Variants in OC90 observed in about 807,000 individuals in gnomAD.
The protein encoded by OC90 is otoconin 90, also known as otoconin-90.
In OC90, 46 loss-of-function variants were observed where a neutral mutation model predicts 47.3. The observed-to-expected ratio is 0.97, with a 90% CI of 0.77 to 1.24. The LOEUF (loss-of-function observed/expected upper bound fraction) is 1.24. Among genes scored for constraint, OC90 ranks in the 50% most tolerant of loss-of-function variants. The pLI is 0.00. For missense variants in OC90, 688 were observed against 583.9 expected (o/e 1.18, Z -1.84); for synonymous variants, 271 against 219.5 (o/e 1.23, Z -2.07).
intron 1 of OC90, among the ~76,000 whole-genome samples, chr8:132,055,762 G>A (rs895483132): frequency 1.3e-5 from 2 of 152,116 alleles, no homozygotes; most frequent in Non-Finnish European, 2.9e-5. Context: ...GATGCTTTGG[G>A]GGCAAAGGGG....
At position 132,024,837 on chromosome 8, in the gene OC90, C is replaced by T. The variant is rs556355745; in HGVS notation, c.1139-61G>A. ...CTCTGAGGATGGCACTGGGAGGCCC[C>T]ACGGCCCTGGCCACCCCTCAGCCCT... On this transcript the variant is annotated intron_variant, in intron 13 of 13. Coordinates refer to ENST00000254627, the MANE Select transcript of OC90 (RefSeq NM_001080399.3). 1.4e-5 allele frequency: 20 copies of T among 1,476,820 alleles called. No individual in the cohort carries two copies. The Admixed American group carries it at 2.9e-4, about 21-fold the overall frequency. 91.5% of individuals were successfully genotyped at this position (1,476,820 alleles called of 1,614,324 possible). A position where few individuals can be genotyped will look rare whatever the true frequency, so the allele number is the denominator to read the frequency against.
chr8:132,046,893 G>T (rs765994721), intron 2 of OC90, among the ~76,000 whole-genome samples: 1 of 152,138 alleles, frequency 6.6e-6, no homozygotes, highest in African/African-American at 2.4e-5. Context: ...TGTCTGAGTT[G>T]GCCTTGCTTG....
intron 5 of OC90, 99 bp from the exon 6 acceptor site, chr8:132,041,255 A>C: frequency 1.3e-6 from 1 of 777,060 alleles, no homozygotes; most frequent in Admixed American, 2.2e-5. Context: ...GGATCCTGGC[A>C]GTGGTCTATT....
At chr8:132,056,260 G>T (rs1823277920) in intron 1 of OC90, among the ~76,000 whole-genome samples, 1 of 152,200 alleles carries the variant, frequency 6.6e-6, no homozygotes, top group South Asian at 2.1e-4. Context: ...CAGAGACCAA[G>T]ACTGCCCCGT....
intron 13 of OC90, among the ~76,000 whole-genome samples, chr8:132,024,990 G>A (rs1198946783): frequency 6.6e-6 from 1 of 152,210 alleles, no homozygotes; most frequent in Non-Finnish European, 1.5e-5. Context: ...CTCAACTGGT[G>A]TCTGTCAAGA....
intron 12 of OC90, among the ~76,000 whole-genome samples, 187 bp from the exon 13 acceptor site, chr8:132,029,366 T>C (rs1248194542): frequency 1.3e-5 from 2 of 152,234 alleles, no homozygotes; most frequent in African/African-American, 4.8e-5. Flanking sequence ...GGTTGTATAC[T>C]GCACAAAGGC....
intron 9 of OC90, among the ~76,000 whole-genome samples, chr8:132,035,118 T>C (rs111226729): frequency 4.0e-4 from 61 of 152,348 alleles, no homozygotes; most frequent in African/African-American, 1.4e-3. Flanking sequence ...ACAGCTTCTT[T>C]AGAATTCGGA....
At chr8:132,036,507 A>G (rs1169295776) in intron 9 of OC90, 1 of 770,562 alleles carries the variant, frequency 1.3e-6, no homozygotes, top group African/African-American at 1.7e-5. Flanking sequence ...CTGAGGATGT[A>G]AGAGAGGAGG....
At chr8:132,039,396 A>G (rs76589220) in intron 6 of OC90, among the ~76,000 whole-genome samples, 99 of 152,260 alleles carry the variant, frequency 6.5e-4, no homozygotes, top group Admixed American at 1.9e-3. Context: ...CCTCCACTGT[A>G]CCACACTGGG....
chr8:132,043,322 T>C (rs1194118390), intron 4 of OC90, among the ~76,000 whole-genome samples: 3 of 152,238 alleles, frequency 2.0e-5, no homozygotes, highest in Non-Finnish European at 4.4e-5. Context: ...GGCAGATGTT[T>C]TCTGTCACTG....
intron 10 of OC90, 46 bp from the exon 11 acceptor site, chr8:132,033,210 G>A (rs1563729322): frequency 6.3e-7 from 1 of 1,582,176 alleles, no homozygotes; most frequent in Non-Finnish European, 8.6e-7. Flanking sequence ...AGTGGCTCAA[G>A]GAGAGATTTG....
chr8:132,043,921 C>T (rs1050333873), intron 4 of OC90, among the ~76,000 whole-genome samples: 7 of 152,206 alleles, frequency 4.6e-5, no homozygotes, highest in Admixed American at 4.6e-4. Flanking sequence ...TTTTTTGGTA[C>T]TTCTAGTAGT....
intron 9 of OC90, among the ~76,000 whole-genome samples, chr8:132,035,437 G>A (rs940924505): frequency 3.9e-5 from 6 of 152,164 alleles, no homozygotes; most frequent in African/African-American, 1.4e-4. Flanking sequence ...AGGTCACAGA[G>A]CTAGGAGGCG....
At chr8:132,028,686 G>GAGGA (rs1554613377) in intron 13 of OC90, among the ~76,000 whole-genome samples, 3 of 127,094 alleles carry the variant, frequency 2.4e-5, no homozygotes, top group African/African-American at 3.3e-5. Context: ...AAGAAAGAAA[G>GAGGA]AGAAAGAAAG....
intron 10 of OC90, 50 bp from the exon 11 acceptor site, chr8:132,033,214 A>T: frequency 6.3e-7 from 1 of 1,575,088 alleles, no homozygotes; most frequent in Non-Finnish European, 8.6e-7. Flanking sequence ...GCTCAAGGAG[A>T]GATTTGCAGA....
In OC90 at chr8:132,024,610, G is replaced by A. The variant is rs200617151; in HGVS notation, c.1305C>T (p.Ala435=). Residue 435 remains alanine (A), a synonymous_variant, in exon 14 of 14, where the codon GCC becomes GCT. Transcript: ENST00000254627. ...CCTCAGAGCTGGAGCCCAGGGTGGG[G>A]GCTGCGGGCACAGGGTGCAGGCTGT... ...CEDSLHPVPA[A]PTLGSSSEED... 24 of 1,613,630 alleles carry A rather than the reference G, an allele frequency of 1.5e-5. No individual in the cohort carries two copies. The highest frequency in any genetic ancestry group is 1.9e-5 in the Non-Finnish European group (23 of 1,179,770).
At position 132,028,803 on chromosome 8, in the gene OC90, G is replaced by GAAAA. The variant is rs1554613416; in HGVS notation, c.1138+269_1138+270insTTTT. On this transcript the variant is annotated intron_variant, in intron 13 of 13. Transcript: ENST00000254627. The stretch of plus-strand genomic sequence containing the variant: ...AAGAGAGGAAGAAAGAAGAAGGAAA[G>GAAAA]AAAGAAAGAAAGAAAGAAAAAGAAA... 2.2e-5 allele frequency among the ~76,000 whole-genome samples: 3 copies of GAAAA among 135,320 alleles called. No individual in the cohort carries two copies. The Admixed American group carries it at 2.3e-4, about 10-fold the overall frequency. The allele number at this position is 135,320 out of a possible 152,430, so 88.8% of individuals were successfully genotyped here.
intron 8 of OC90, among the ~76,000 whole-genome samples, chr8:132,038,033 T>C (rs978529924): frequency 6.6e-6 from 1 of 152,196 alleles, no homozygotes; most frequent in Non-Finnish European, 1.5e-5. Context: ...TGACTAGTTC[T>C]GGGAGAGAGA....
chr8:132,054,642 G>A (rs894587577), intron 2 of OC90, among the ~76,000 whole-genome samples: 3 of 152,192 alleles, frequency 2.0e-5, no homozygotes, highest in South Asian at 2.1e-4. Context: ...ACGATTGCAC[G>A]TAAACTTTCT....
Sources: gnomAD v4.1 joint callset for allele counts (sites outside exome capture counted in the v4.1 genomes callset) on GRCh38, gnomAD v4.1.1 for gene constraint, MANE v1.5 for transcripts, NCBI Gene and HGNC (gene_info 2026-07-23, HGNC 2026-07-21) for gene names.